The following AIMP2 variants were observed in gnomAD, a reference collection of about 807,000 sequenced individuals.
AIMP2 encodes the protein aminoacyl tRNA synthase complex-interacting multifunctional protein 2.
A neutral mutation model predicts 23.4 loss-of-function variants in AIMP2; 20 were observed. The ratio of observed to expected loss-of-function variants is 0.85; its 90% CI spans 0.60 to 1.24. The LOEUF is 1.24. Ranked by LOEUF, AIMP2 falls within the 50% of genes most tolerant of loss-of-function variation. The probability of loss-of-function intolerance (pLI) is 0.00; values close to 1 mark genes in which losing one functional copy is unlikely to be tolerated. For missense variants in AIMP2, 515 were observed against 414.5 expected (o/e 1.24, Z -2.10); for synonymous variants, 210 against 170.4 (o/e 1.23, Z -1.81).
chr7:6,019,427 G>C (rs1158571777), intron 3 of AIMP2, among the ~76,000 whole-genome samples: 1 of 147,640 alleles, frequency 6.8e-6, no homozygotes, highest in Non-Finnish European at 1.5e-5. Flanking sequence ...AGAGGATGCA[G>C]TGAGCCGAGA....
chr7:6,010,671 A>T (rs1276055733), intron 1 of AIMP2, among the ~76,000 whole-genome samples: 1 of 150,980 alleles, frequency 6.6e-6, no homozygotes, highest in Non-Finnish European at 1.5e-5. Flanking sequence ...CTGATCTCGA[A>T]CTCCTGACCT....
intron 1 of AIMP2, among the ~76,000 whole-genome samples, chr7:6,009,976 T>TATATAC (rs1786499190): frequency 4.3e-5 from 2 of 46,344 alleles, no homozygotes; most frequent in Admixed American, 2.4e-4. Context: ...AAAAAAAAAA[T>TATATAC]ATATATATAT....
chr7:6,009,974 A>AAAATATACATATATATATATATATAT lies in AIMP2; in HGVS notation c.135+477_135+478insAATATACATATATATATATATATATA. Among the ~76,000 whole-genome samples the AAAATATACATATATATATATATATAT allele has an allele frequency of 9.7e-4, 26 of 26,672 alleles. 2 individuals carry two copies. The highest frequency in any genetic ancestry group is 1.6e-3 in the Non-Finnish European group (23 of 14,638). 17.5% of individuals were successfully genotyped at this position (26,672 alleles called of 152,430 possible). A position where few individuals can be genotyped will look rare whatever the true frequency, so the allele number is the denominator to read the frequency against. On this transcript the variant is annotated intron_variant, in intron 1 of 3. Coordinates refer to ENST00000223029, the MANE Select transcript of AIMP2 (RefSeq NM_006303.4). ...CAAAAAAAAAAAAAAAAAAAAAAAA[A>AAAATATACATATATATATATATATAT]ATATATATATATATATATGTATGTA...
At chr7:6,018,101 G>T in intron 3 of AIMP2, 56 bp downstream of exon 3, 8 of 1,306,940 alleles carry the variant, frequency 6.1e-6, no homozygotes, top group East Asian at 2.4e-5. Flanking sequence ...AACACCATGA[G>T]TTTCACCTGC....
intron 1 of AIMP2, among the ~76,000 whole-genome samples, chr7:6,014,011 C>T (rs1583450790): frequency 6.6e-6 from 1 of 151,988 alleles, no homozygotes; most frequent in Middle Eastern, 3.4e-3. Flanking sequence ...GCCCCATGGA[C>T]GTGCTTCCAA....
At chr7:6,010,476 G>C (rs1786584186) in intron 1 of AIMP2, among the ~76,000 whole-genome samples, 1 of 150,710 alleles carries the variant, frequency 6.6e-6, no homozygotes, top group East Asian at 2.0e-4. Context: ...TTCAGATGGA[G>C]TCTCACTCTA....
rs1044846859 is a variant in AIMP2, at chr7:6,010,911, C to T, written c.135+1413C>T. Among the ~76,000 whole-genome samples the T allele has an allele frequency of 1.2e-4, 18 of 152,104 alleles. No individual in the cohort carries two copies. The East Asian group carries it at 3.3e-3, about 28-fold the overall frequency. On this transcript the variant is annotated intron_variant, in intron 1 of 3. Transcript: ENST00000223029. Reference sequence around the variant, plus strand: ...CAATCTCCTGGCCACAGGCGATCCTCTAACCCCAGCCTCCCAAAGTGCTGG... The same window carrying T: ...CAATCTCCTGGCCACAGGCGATCCTTTAACCCCAGCCTCCCAAAGTGCTGG...
chr7:6,009,285 C>G lies in AIMP2; in HGVS notation c.-79C>G. The G allele has an allele frequency of 6.2e-7, 1 of 1,606,178 alleles. No individual in the cohort carries two copies. Among genetic ancestry groups the G allele is most frequent in the Non-Finnish European group, 8.5e-7 (1 of 1,176,378 alleles). On this transcript the variant is annotated 5_prime_UTR_variant, in exon 1 of 4. Coordinates refer to ENST00000223029, the MANE Select transcript of AIMP2 (RefSeq NM_006303.4). Reference sequence around the variant, plus strand: ...CGCAGCAGGGTCAGAAGGGAGGTGGCCGGTCTCCGTCGTGACCTCTGACGG... The same window carrying G: ...CGCAGCAGGGTCAGAAGGGAGGTGGGCGGTCTCCGTCGTGACCTCTGACGG...
At chr7:6,015,005 C>G in intron 1 of AIMP2, 141 bp from the exon 2 acceptor site, 1 of 1,474,430 alleles carries the variant, frequency 6.8e-7, no homozygotes, top group South Asian at 1.3e-5. Flanking sequence ...CAGGCGTGAG[C>G]CACCACACCC....
intron 1 of AIMP2, among the ~76,000 whole-genome samples, chr7:6,009,974 A>AAATATAAATATATATATAT: frequency 3.8e-5 from 1 of 26,662 alleles, no homozygotes; most frequent in African/African-American, 1.4e-4. Context: ...AAAAAAAAAA[A>AAATATAAATATATATATAT]ATATATATAT....
At chr7:6,010,133 T>C (rs902000271) in intron 1 of AIMP2, among the ~76,000 whole-genome samples, 3 of 151,226 alleles carry the variant, frequency 2.0e-5, no homozygotes, top group African/African-American at 7.3e-5. Context: ...CTCTATTTTT[T>C]AAATGTTTTA....
At chr7:6,019,250 C>T (rs888493074) in intron 3 of AIMP2, among the ~76,000 whole-genome samples, 4 of 150,744 alleles carry the variant, frequency 2.7e-5, no homozygotes, top group African/African-American at 9.8e-5. Flanking sequence ...GAGGCCGAGG[C>T]GGGCAGATCA....
Position 6,009,330 on chromosome 7 carries a change from G to A in AIMP2, c.-34G>A. On this transcript the variant is annotated 5_prime_UTR_variant, in exon 1 of 4. Transcript: ENST00000223029. Reference sequence around the variant, plus strand: ...TGACGGTTTCTGAGCGTTGGCCTTTGGCACGCGCTACCCCCTTTTGCTTTG... The same window carrying A: ...TGACGGTTTCTGAGCGTTGGCCTTTAGCACGCGCTACCCCCTTTTGCTTTG... 6.2e-7 allele frequency: 1 copy of A among 1,611,694 alleles called. No individual in the cohort carries two copies. Among genetic ancestry groups the A allele is most frequent in the Non-Finnish European group, 8.5e-7 (1 of 1,179,994 alleles).
intron 2 of AIMP2, 111 bp downstream of exon 2, chr7:6,015,463 G>T (rs1187227289): frequency 4.2e-6 from 5 of 1,182,038 alleles, no homozygotes; most frequent in Non-Finnish European, 3.6e-6. Context: ...GGTGGCTCAC[G>T]CCTGTAATTC....
chr7:6,011,024 T>C (rs1335650078), intron 1 of AIMP2, among the ~76,000 whole-genome samples: 1 of 152,184 alleles, frequency 6.6e-6, no homozygotes, highest in African/African-American at 2.4e-5. Flanking sequence ...ATATCAGAAG[T>C]ATTCATCATC....
chr7:6,020,149 G>T (rs1465462183), intron 3 of AIMP2, among the ~76,000 whole-genome samples: 1 of 152,168 alleles, frequency 6.6e-6, no homozygotes, highest in Non-Finnish European at 1.5e-5. Context: ...GGCCGGTTGT[G>T]GTGGTTCATG....
chr7:6,021,443 C>T (rs1787409627), intron 3 of AIMP2, among the ~76,000 whole-genome samples: 2 of 151,892 alleles, frequency 1.3e-5, no homozygotes, highest in South Asian at 4.2e-4. Flanking sequence ...GCTGTGAAAG[C>T]CATCATGGTG....
Position 6,009,398 on chromosome 7 carries a change from G to C in AIMP2, c.35G>C (p.Gly12Ala). 2 of 1,611,680 alleles carry C rather than the reference G, an allele frequency of 1.2e-6. No homozygotes were observed. The highest frequency in any genetic ancestry group is 8.5e-7 in the Non-Finnish European group (1 of 1,179,996). Residue 12 changes from glycine (G) to alanine (A), a missense_variant, in exon 1 of 4, where the codon GGC becomes GCC. By Grantham distance (60) the Gly-to-Ala change is moderately conservative. Coordinates refer to ENST00000223029, the MANE Select transcript of AIMP2 (RefSeq NM_006303.4). ...TACCAGGTAAAGCCCTATCACGGGGGCGGCGCGCCTCTCCGTGTGGAGCTT... is the reference window on the plus strand; with the variant it reads ...TACCAGGTAAAGCCCTATCACGGGGCCGGCGCGCCTCTCCGTGTGGAGCTT... ...PMYQVKPYHG[G>A]GAPLRVELPT...
At chr7:6,020,727 C>G (rs991918510) in intron 3 of AIMP2, among the ~76,000 whole-genome samples, 1 of 152,166 alleles carries the variant, frequency 6.6e-6, no homozygotes, top group Non-Finnish European at 1.5e-5. Flanking sequence ...ATACCTGTGT[C>G]AACAGGTTTT....
Sources: allele counts gnomAD v4.1 joint callset (sites outside exome capture counted in the v4.1 genomes callset), GRCh38; gene constraint gnomAD v4.1.1; transcripts MANE v1.5; gene names NCBI Gene and HGNC (gene_info 2026-07-23, HGNC 2026-07-21).